The following CAMKMT variants were observed in gnomAD, a reference collection of about 807,000 sequenced individuals.
CAMKMT encodes the protein calmodulin-lysine N-methyltransferase.
A neutral mutation model predicts 48.0 loss-of-function variants in CAMKMT; 53 were observed. That is an observed-to-expected ratio of 1.10 (90% CI 0.89 to 1.39). The LOEUF (loss-of-function observed/expected upper bound fraction) is 1.39. Ranked by LOEUF, CAMKMT falls within the 40% of genes most tolerant of loss-of-function variation. CAMKMT has a pLI of 0.00. For missense variants in CAMKMT, 428 were observed against 402.7 expected, an observed-to-expected ratio of 1.06 and a Z score of -0.54; for synonymous variants, 165 against 152.3, an observed-to-expected ratio of 1.08 and a Z score of -0.61.
intron 3 of CAMKMT, among the ~76,000 whole-genome samples, chr2:44,393,704 C>T (rs540487890): frequency 6.6e-6 from 1 of 152,278 alleles, no homozygotes; most frequent in African/African-American, 2.4e-5. Context: ...AGATGAGGTA[C>T]TGGCTGCTTC....
At chr2:44,556,959 T>C (rs1209415738) in intron 3 of CAMKMT, among the ~76,000 whole-genome samples, 2 of 152,112 alleles carry the variant, frequency 1.3e-5, no homozygotes, top group Non-Finnish European at 2.9e-5. Context: ...TGTAAGTTTA[T>C]TTCAGGGAGA....
chr2:44,625,907 C>G (rs1672455355), intron 3 of CAMKMT, among the ~76,000 whole-genome samples: 2 of 152,106 alleles, frequency 1.3e-5, no homozygotes, highest in Non-Finnish European at 2.9e-5. Context: ...GTTTTGATTA[C>G]TGTAGATTTA....
intron 3 of CAMKMT, among the ~76,000 whole-genome samples, chr2:44,472,907 A>G (rs558541322): frequency 1.3e-5 from 2 of 152,292 alleles, no homozygotes; most frequent in South Asian, 2.1e-4. Flanking sequence ...ATTTAAATCT[A>G]TGTGCATTTC....
chr2:44,493,054 C>A (rs574467139), intron 3 of CAMKMT, among the ~76,000 whole-genome samples: 1 of 151,952 alleles, frequency 6.6e-6, no homozygotes, highest in African/African-American at 2.4e-5. Flanking sequence ...CCACCATGCC[C>A]AGCTAATTTT....
intron 2 of CAMKMT, among the ~76,000 whole-genome samples, chr2:44,382,936 T>TG (rs1056805840): frequency 1.3e-5 from 2 of 152,290 alleles, no homozygotes; most frequent in Middle Eastern, 3.4e-3. Flanking sequence ...CACCACATAC[T>TG]GGGGGGCTTA....
chr2:44,374,492 T>A (rs1679485372), intron 2 of CAMKMT, among the ~76,000 whole-genome samples: 1 of 152,174 alleles, frequency 6.6e-6, no homozygotes, highest in South Asian at 2.1e-4. Context: ...CTGCATCCAC[T>A]GGTGAAAAGA....
chr2:44,662,639 A>G (rs1317030664), intron 3 of CAMKMT, among the ~76,000 whole-genome samples: 1 of 152,108 alleles, frequency 6.6e-6, no homozygotes, highest in East Asian at 1.9e-4. Flanking sequence ...GTCACCCAAG[A>G]TGGAGTGCAG....
At chr2:44,563,624 TCC>T (rs1325999992) in intron 3 of CAMKMT, among the ~76,000 whole-genome samples, 1 of 151,884 alleles carries the variant, frequency 6.6e-6, no homozygotes, top group Non-Finnish European at 1.5e-5. Flanking sequence ...CCCTCCCCCT[TCC>T]CCCCACCCCA....
intron 3 of CAMKMT, among the ~76,000 whole-genome samples, chr2:44,532,170 T>C (rs1451249775): frequency 6.6e-6 from 1 of 152,192 alleles, no homozygotes; most frequent in African/African-American, 2.4e-5. Context: ...CTACTTACAA[T>C]GTAGAGAGAG....
At chr2:44,604,353 A>G (rs1671162633) in intron 3 of CAMKMT, among the ~76,000 whole-genome samples, 1 of 152,156 alleles carries the variant, frequency 6.6e-6, no homozygotes, top group Non-Finnish European at 1.5e-5. Flanking sequence ...TGCTTGTTTC[A>G]CTACCATATT....
At chr2:44,479,711 A>C (rs1668870769) in intron 3 of CAMKMT, among the ~76,000 whole-genome samples, 1 of 152,198 alleles carries the variant, frequency 6.6e-6, no homozygotes, top group East Asian at 1.9e-4. Flanking sequence ...AACTCATGGA[A>C]TCTTTATACT....
Position 44,522,444 on chromosome 2 carries a change from CTT to C in CAMKMT, c.376+132140_376+132141del, listed in dbSNP as rs1178170179. Among the ~76,000 whole-genome samples the C allele has an allele frequency of 2.6e-5, 4 of 152,342 alleles. No individual in the cohort carries two copies. In the South Asian group the frequency reaches 6.2e-4, roughly 24 times the overall value. On this transcript the variant is annotated intron_variant, in intron 3 of 10. Coordinates refer to ENST00000378494, the MANE Select transcript of CAMKMT (RefSeq NM_024766.5). ...CACTCACTAATAAGCACTTCTCTCT[CTT>C]GGGCTCCTTGTAAACCTGCTGTGGG...
chr2:44,542,820 C>T (rs1667203826), intron 3 of CAMKMT, among the ~76,000 whole-genome samples: 1 of 152,060 alleles, frequency 6.6e-6, no homozygotes, highest in Admixed American at 6.6e-5. Flanking sequence ...AAGATCATCC[C>T]AGAATGGCTT....
chr2:44,481,873 T>C (rs1370262013), intron 3 of CAMKMT, among the ~76,000 whole-genome samples: 1 of 152,056 alleles, frequency 6.6e-6, no homozygotes, highest in African/African-American at 2.4e-5. Flanking sequence ...GATATATAGT[T>C]AAGTTTGAAC....
intron 3 of CAMKMT, among the ~76,000 whole-genome samples, chr2:44,610,478 A>G (rs1002357309): frequency 6.6e-6 from 1 of 152,158 alleles, no homozygotes; most frequent in Non-Finnish European, 1.5e-5. Context: ...CAAAACCTCT[A>G]AGTTTCCTCC....
intron 3 of CAMKMT, among the ~76,000 whole-genome samples, chr2:44,451,965 A>G (rs1667311828): frequency 1.3e-5 from 2 of 151,970 alleles, no homozygotes; most frequent in African/African-American, 4.8e-5. Context: ...TCTAAGCATA[A>G]CAATGCAAAT....
chr2:44,758,162 G>A (rs980462778), intron 9 of CAMKMT, among the ~76,000 whole-genome samples: 2 of 152,222 alleles, frequency 1.3e-5, no homozygotes, highest in East Asian at 3.8e-4. Context: ...CAAGCTGTGG[G>A]AACAAATGAA....
intron 3 of CAMKMT, among the ~76,000 whole-genome samples, chr2:44,499,844 G>A (rs1413312482): frequency 6.6e-6 from 1 of 152,144 alleles, no homozygotes; most frequent in Admixed American, 6.5e-5. Context: ...ACTTCTGAAT[G>A]GTTATAGTTC....
At chr2:44,492,724 G>A (rs1400790827) in intron 3 of CAMKMT, among the ~76,000 whole-genome samples, 2 of 151,948 alleles carry the variant, frequency 1.3e-5, no homozygotes, top group African/African-American at 4.8e-5. Flanking sequence ...AATATTTTTT[G>A]TTGAATATTT....
Sources: allele counts gnomAD v4.1 joint callset (sites outside exome capture counted in the v4.1 genomes callset), GRCh38; gene constraint gnomAD v4.1.1; transcripts MANE v1.5; gene names NCBI Gene and HGNC (gene_info 2026-07-23, HGNC 2026-07-21).